ERG: variants seen among roughly 807,000 people sequenced by gnomAD.
ERG encodes the protein ETS transcription factor ERG, also known as transcriptional regulator ERG.
ERG carries 9 observed loss-of-function variants against 55.3 expected under a neutral mutation model. The observed-to-expected ratio is 0.16, with a 90% CI of 0.10 to 0.28. The LOEUF (loss-of-function observed/expected upper bound fraction) is 0.28. Among genes scored for constraint, ERG ranks in the 10% least tolerant of loss-of-function variants. ERG has a pLI of 1.00. For missense variants in ERG, 434 were observed against 631.6 expected, an observed-to-expected ratio of 0.69 and a Z score of 3.35; for synonymous variants, 223 against 237.3, an observed-to-expected ratio of 0.94 and a Z score of 0.55.
rs941258703 is a variant in ERG at position 38,381,612 on chromosome 21, C to T, written c.*1791G>A. 8.5e-6 allele frequency: 9 copies of T among 1,063,286 alleles called. No homozygotes were observed. In the Admixed American group the frequency reaches 4.8e-4, roughly 57 times the overall value. The allele number at this position is 1,063,286 out of a possible 1,614,324, so 65.9% of individuals were successfully genotyped here. A position where few individuals can be genotyped will look rare whatever the true frequency, so the allele number is the denominator to read the frequency against. On this transcript the variant is annotated 3_prime_UTR_variant, in exon 10 of 10. Coordinates refer to ENST00000288319, the MANE Select transcript of ERG (RefSeq NM_182918.4). ...CAGCTATCCATGACGCTTTATTTGCCAGTAATAATACAGTTTGCCTTACGA... is the reference window on the plus strand; with the variant it reads ...CAGCTATCCATGACGCTTTATTTGCTAGTAATAATACAGTTTGCCTTACGA...
chr21:38,539,645 T>C (rs2059736964), intron 2 of ERG, among the ~76,000 whole-genome samples: 1 of 152,196 alleles, frequency 6.6e-6, no homozygotes, highest in African/African-American at 2.4e-5. Flanking sequence ...TAAGAGGTCA[T>C]TTTGAGCATA....
At chr21:38,611,075 C>A (rs1758132520) in intron 1 of ERG, among the ~76,000 whole-genome samples, 1 of 152,180 alleles carries the variant, frequency 6.6e-6, no homozygotes, top group Non-Finnish European at 1.5e-5. Flanking sequence ...TCAGACCCAA[C>A]ACAAGGGCTT....
At chr21:38,645,884 G>A (rs552957288) in intron 1 of ERG, among the ~76,000 whole-genome samples, 6 of 152,280 alleles carry the variant, frequency 3.9e-5, no homozygotes, top group African/African-American at 1.2e-4. Flanking sequence ...TCAGCCCCCA[G>A]ATAGAAGCAT....
chr21:38,436,721 T>C (rs2058793536), intron 2 of ERG, among the ~76,000 whole-genome samples: 1 of 152,204 alleles, frequency 6.6e-6, no homozygotes, highest in Admixed American at 6.5e-5. Context: ...TATGGGTTAA[T>C]ATTATCCCTT....
intron 2 of ERG, among the ~76,000 whole-genome samples, chr21:38,432,124 T>C (rs776522357): frequency 6.6e-6 from 1 of 152,354 alleles, no homozygotes; most frequent in East Asian, 1.9e-4. Flanking sequence ...AGACAGGGTC[T>C]TGCTCTGTCA....
rs116029891 is a variant in ERG at position 38,469,454 on chromosome 21, C to T, written c.19-23833G>A. 5.2e-3 allele frequency among the ~76,000 whole-genome samples: 797 copies of T among 152,294 alleles called. 11 individuals are homozygous for T. The highest frequency in any genetic ancestry group is 0.018 in the African/African-American group (761 of 41,556). On this transcript the variant is annotated intron_variant, in intron 1 of 9. Coordinates refer to ENST00000288319, the MANE Select transcript of ERG (RefSeq NM_182918.4). ...CACGAACACCATCACATGGGCTGGG[C>T]TCTAGTGCTTTGGAATATCCTACTT...
intron 1 of ERG, among the ~76,000 whole-genome samples, chr21:38,636,297 C>G (rs1020904403): frequency 1.1e-4 from 16 of 152,200 alleles, no homozygotes; most frequent in Admixed American, 7.2e-4. Flanking sequence ...TTATAGGAGC[C>G]TAAGAATGAA....
At chr21:38,452,350 T>C (rs1047388466) in intron 1 of ERG, among the ~76,000 whole-genome samples, 5 of 152,106 alleles carry the variant, frequency 3.3e-5, no homozygotes, top group Admixed American at 6.5e-5. Flanking sequence ...TACACACACA[T>C]ATATACAGAT....
intron 1 of ERG, among the ~76,000 whole-genome samples, chr21:38,474,721 A>G (rs2059171414): frequency 1.2e-5 from 1 of 80,614 alleles, no homozygotes. Context: ...ACGGTGAAAG[A>G]CTTGGCTCCA....
At chr21:38,478,204 A>C (rs926211787) in intron 1 of ERG, among the ~76,000 whole-genome samples, 6 of 152,198 alleles carry the variant, frequency 3.9e-5, no homozygotes, top group Non-Finnish European at 7.3e-5. Flanking sequence ...GGGAAGTACT[A>C]CTGTACCCTG....
chr21:38,527,436 A>G (rs1160142270), intron 2 of ERG, among the ~76,000 whole-genome samples: 1 of 152,210 alleles, frequency 6.6e-6, no homozygotes, highest in Non-Finnish European at 1.5e-5. Flanking sequence ...CTGAGGACAG[A>G]GAGAATGCTT....
chr21:38,638,485 T>C (rs903268094), intron 1 of ERG, among the ~76,000 whole-genome samples: 2 of 152,182 alleles, frequency 1.3e-5, no homozygotes, highest in Non-Finnish European at 2.9e-5. Context: ...CAGATTGAAC[T>C]TGTGGGCTTA....
rs3065420 is a variant in ERG, at chr21:38,597,472, T to TACACACACACACACACACACAC, written c.-149-12549_-149-12528dup. Among the ~76,000 whole-genome samples the TACACACACACACACACACACAC allele has an allele frequency of 3.4e-5, 5 of 148,154 alleles. No homozygotes were observed. In the South Asian group the frequency reaches 6.6e-4, roughly 19 times the overall value. On this transcript the variant is annotated intron_variant, in intron 1 of 10. Coordinates refer to the ERG transcript ENST00000398910. ...ATATAGAGAGATATCTATATATATC[T>TACACACACACACACACACACAC]ACACACACACACACACACACACACA...
intron 2 of ERG, among the ~76,000 whole-genome samples, chr21:38,425,322 T>G (rs557856966): frequency 5.3e-5 from 8 of 151,180 alleles, no homozygotes; most frequent in African/African-American, 1.9e-4. Flanking sequence ...GAGGTTGAGG[T>G]CGTGGTGAGC....
At chr21:38,462,381 T>A (rs199524733) in intron 1 of ERG, among the ~76,000 whole-genome samples, 1 of 148,964 alleles carries the variant, frequency 6.7e-6, no homozygotes, top group Non-Finnish European at 1.5e-5. Flanking sequence ...AATTTTTTTT[T>A]AAGAATCCTC....
chr21:38,574,747 A>G (rs1179175550), intron 2 of ERG, among the ~76,000 whole-genome samples: 1 of 152,200 alleles, frequency 6.6e-6, no homozygotes, highest in African/African-American at 2.4e-5. Context: ...TGTTTTAGGC[A>G]AGGAATATAC....
intron 1 of ERG, among the ~76,000 whole-genome samples, chr21:38,582,304 G>A (rs567749828): frequency 9.2e-5 from 14 of 152,310 alleles, no homozygotes; most frequent in African/African-American, 3.4e-4. Context: ...TCTGAAGTGA[G>A]GACGGTGTTG....
At chr21:38,575,047 C>A (rs889418384) in intron 2 of ERG, among the ~76,000 whole-genome samples, 4 of 152,166 alleles carry the variant, frequency 2.6e-5, no homozygotes, top group Non-Finnish European at 5.9e-5. Flanking sequence ...TCCCTTGGCA[C>A]AAGTCGCACT....
At chr21:38,599,608 G>A (rs975677402) in intron 1 of ERG, among the ~76,000 whole-genome samples, 1 of 152,194 alleles carries the variant, frequency 6.6e-6, no homozygotes, top group African/African-American at 2.4e-5. Context: ...GCTGGGAGCC[G>A]GCCATGGCCC....
Sources: allele counts gnomAD v4.1 joint callset (sites outside exome capture counted in the v4.1 genomes callset), GRCh38; gene constraint gnomAD v4.1.1; transcripts MANE v1.5; gene names NCBI Gene and HGNC (gene_info 2026-07-23, HGNC 2026-07-21).